SNX29: variants seen among roughly 807,000 people sequenced by gnomAD.
The protein encoded by SNX29 is sorting nexin-29.
SNX29 carries 78 observed loss-of-function variants against 102.1 expected under a neutral mutation model. The ratio of observed to expected loss-of-function variants is 0.76; its 90% CI spans 0.64 to 0.92. SNX29 has a LOEUF of 0.92. Among genes scored for constraint, SNX29 ranks in the 40% least tolerant of loss-of-function variants. SNX29 has a pLI of 0.00. For synonymous variants in SNX29, 580 were observed against 414.5 expected (o/e 1.40, Z -4.85); for missense variants, 1,280 against 1,061.7 (o/e 1.21, Z -2.86).
At chr16:12,563,315 GGA>G (rs151325989) in intron 20 of SNX29, among the ~76,000 whole-genome samples, 1,614 of 152,296 alleles carry the variant, frequency 0.011, 30 homozygotes, top group African/African-American at 0.036. Context: ...CTTTGTGACT[GGA>G]GAGAGTCACC....
intron 1 of SNX29, chr16:11,977,908 C>T (rs989235837): frequency 2.0e-5 from 3 of 152,266 alleles, no homozygotes; most frequent in Non-Finnish European, 4.4e-5. Flanking sequence ...CTCCTAGTGC[C>T]TGTTTTCCCC....
intron 20 of SNX29, among the ~76,000 whole-genome samples, chr16:12,554,538 G>A (rs1024366176): frequency 7.9e-5 from 12 of 152,146 alleles, no homozygotes; most frequent in Non-Finnish European, 1.3e-4. Flanking sequence ...TCTCGCCCAC[G>A]TTTTTGTGAA....
chr16:12,080,374 G>C (rs1017971010), intron 11 of SNX29, among the ~76,000 whole-genome samples: 1 of 152,122 alleles, frequency 6.6e-6, no homozygotes, highest in Admixed American at 6.6e-5. Flanking sequence ...AGCATGTGTG[G>C]TTTACTGTGG....
intron 18 of SNX29, among the ~76,000 whole-genome samples, chr16:12,453,513 C>G (rs927454647): frequency 6.6e-6 from 1 of 151,970 alleles, no homozygotes; most frequent in Middle Eastern, 3.2e-3. Flanking sequence ...AACAAAGTGG[C>G]TGTCATGGAG....
intron 20 of SNX29, among the ~76,000 whole-genome samples, chr16:12,539,018 C>CA (rs1555570508): frequency 6.6e-6 from 1 of 152,158 alleles, no homozygotes; most frequent in Non-Finnish European, 1.5e-5. Context: ...CCAAAACCAT[C>CA]CATGAATCCA....
At chr16:12,347,084 C>T in intron 15 of SNX29, among the ~76,000 whole-genome samples, 1 of 152,188 alleles carries the variant, frequency 6.6e-6, no homozygotes, top group Admixed American at 6.5e-5. Context: ...TAAGCATTAC[C>T]TCTTGCTATC....
At chr16:12,492,707 A>G (rs188628683) in intron 19 of SNX29, among the ~76,000 whole-genome samples, 4,089 of 152,238 alleles carry the variant, frequency 0.027, 81 homozygotes, top group East Asian at 0.055. Context: ...TAATTTTTGT[A>G]TAAGGTGTAA....
chr16:12,393,760 G>A (rs558827340), intron 16 of SNX29, among the ~76,000 whole-genome samples: 5 of 152,230 alleles, frequency 3.3e-5, no homozygotes, highest in East Asian at 1.9e-4. Context: ...TACTTGCTTC[G>A]CAGATTGTTT....
At chr16:12,322,855 C>A (rs2080987493) in intron 15 of SNX29, among the ~76,000 whole-genome samples, 1 of 146,622 alleles carries the variant, frequency 6.8e-6, no homozygotes, top group African/African-American at 2.5e-5. Flanking sequence ...CACTAGGGGA[C>A]CACTGTCAGG....
intron 11 of SNX29, among the ~76,000 whole-genome samples, chr16:12,092,008 G>T (rs2052572006): frequency 1.3e-5 from 2 of 152,132 alleles, no homozygotes; most frequent in African/African-American, 4.8e-5. Flanking sequence ...CCTACTCGGC[G>T]GAGGTGCTCC....
At chr16:12,455,576 T>G (rs2086501117) in intron 18 of SNX29, among the ~76,000 whole-genome samples, 1 of 152,266 alleles carries the variant, frequency 6.6e-6, no homozygotes, top group Admixed American at 6.5e-5. Flanking sequence ...TGTTTCTTCC[T>G]CTGTCTTAGG....
At chr16:12,127,463 C>T (rs2054267129) in intron 12 of SNX29, among the ~76,000 whole-genome samples, 1 of 150,334 alleles carries the variant, frequency 6.7e-6, no homozygotes, top group Non-Finnish European at 1.5e-5. Context: ...GCTCTGTCAC[C>T]CAGGCTGGAA....
In SNX29 at chr16:12,570,681, C is replaced by A. The variant is rs539126932; in HGVS notation, c.*2052C>A. 1.3e-5 allele frequency: 3 copies of A among 231,992 alleles called. No individual in the cohort carries two copies. The highest frequency in any genetic ancestry group is 6.6e-5 in the African/African-American group (3 of 45,260). The allele number at this position is 231,992 out of a possible 1,614,324, so 14.4% of individuals were successfully genotyped here. A position where few individuals can be genotyped will look rare whatever the true frequency, so the allele number is the denominator to read the frequency against. ...TTGGGCCCAGGCTTATGACCTGCACCTTTTCTGACACCTGCCCCCAAAGCA... is the reference window on the plus strand; with the variant it reads ...TTGGGCCCAGGCTTATGACCTGCACATTTTCTGACACCTGCCCCCAAAGCA... On this transcript the variant is annotated 3_prime_UTR_variant, in exon 21 of 21. Transcript: ENST00000566228.
chr16:12,261,849 T>C (rs1247518534), intron 14 of SNX29, among the ~76,000 whole-genome samples: 1 of 138,410 alleles, frequency 7.2e-6, no homozygotes, highest in African/African-American at 2.8e-5. Context: ...CTCCGGTCTG[T>C]GCGTGCATCC....
At chr16:12,298,863 TTGTTACC>T (rs2080067833) in intron 15 of SNX29, among the ~76,000 whole-genome samples, 1 of 152,174 alleles carries the variant, frequency 6.6e-6, no homozygotes, top group Non-Finnish European at 1.5e-5. Context: ...GTATTACCAG[TTGTTACC>T]TACATTAACC....
intron 1 of SNX29, among the ~76,000 whole-genome samples, chr16:11,985,492 A>G (rs2150969336): frequency 6.6e-6 from 1 of 152,322 alleles, no homozygotes; most frequent in East Asian, 1.9e-4. Flanking sequence ...TTAAAGGACT[A>G]TCAGGATTAT....
In SNX29 at chr16:12,573,853, G is replaced by C. The variant is rs191653950; in HGVS notation, c.*5224G>C. 3.8e-5 allele frequency: 8 copies of C among 212,084 alleles called. No individual in the cohort carries two copies. Among genetic ancestry groups the C allele is most frequent in the Admixed American group, 2.9e-4 (5 of 17,056 alleles). 13.1% of individuals were successfully genotyped at this position (212,084 alleles called of 1,614,324 possible). On this transcript the variant is annotated 3_prime_UTR_variant, in exon 21 of 21. Transcript: ENST00000566228. ...TATTATCCAGGACTCATCCTAAGAA[G>C]AATGTTGGCCTCTCTTCATCCCTGG...
intron 11 of SNX29, chr16:12,086,721 A>C (rs908607248): frequency 2.0e-5 from 3 of 152,122 alleles, no homozygotes; most frequent in Non-Finnish European, 4.4e-5. Flanking sequence ...GCCAAACACC[A>C]AATTTTAAAA....
At position 12,002,857 on chromosome 16, in the gene SNX29, A is replaced by T. The variant is rs1336040024; in HGVS notation, c.70-134A>T. ...TTGTGCTGATACCCAGGGGACAGGG[A>T]CGTCCTCACTTGGCATGCAGAGCTT... On this transcript the variant is annotated intron_variant, in intron 2 of 20. Transcript: ENST00000566228. The T allele has an allele frequency of 7.9e-6, 7 of 886,186 alleles. No individual in the cohort carries two copies. The Admixed American group carries it at 1.4e-4, about 17-fold the overall frequency. The allele number at this position is 886,186 out of a possible 1,614,324, so 54.9% of individuals were successfully genotyped here.
Sources: gnomAD v4.1 joint callset for allele counts (sites outside exome capture counted in the v4.1 genomes callset) on GRCh38, gnomAD v4.1.1 for gene constraint, MANE v1.5 for transcripts, NCBI Gene and HGNC (gene_info 2026-07-23, HGNC 2026-07-21) for gene names.